The following TMEM268 variants were observed in gnomAD, a reference collection of about 807,000 sequenced individuals.
The protein encoded by TMEM268 is transmembrane protein C9orf91.
In TMEM268, 24 loss-of-function variants were observed where a neutral mutation model predicts 39.1. The ratio of observed to expected loss-of-function variants is 0.61; its 90% CI spans 0.44 to 0.86. TMEM268 has a LOEUF of 0.86. Among genes scored for constraint, TMEM268 ranks in the 40% least tolerant of loss-of-function variants. TMEM268 has a pLI of 0.00. For missense variants in TMEM268, 409 were observed against 428.6 expected (o/e 0.95, Z 0.40); for synonymous variants, 176 against 173.5 (o/e 1.01, Z -0.12).
chr9:114,609,856 G>A (rs1302968582), upstream of TMEM268, among the ~76,000 whole-genome samples: 1 of 151,696 alleles, frequency 6.6e-6, no homozygotes, highest in Non-Finnish European at 1.5e-5. Context: ...AAGAAAGAAA[G>A]AGAAAGAGAA....
At chr9:114,616,209 G>T (rs1845704517) in intron 1 of TMEM268, among the ~76,000 whole-genome samples, 1 of 151,138 alleles carries the variant, frequency 6.6e-6, no homozygotes, top group Non-Finnish European at 1.5e-5. Context: ...TAGAGACGGG[G>T]TTTCCCCATG....
chr9:114,624,289 TC>T (rs1335025248), intron 2 of TMEM268, 60 bp from the exon 3 acceptor site: 1 of 1,547,924 alleles, frequency 6.5e-7, no homozygotes, highest in Non-Finnish European at 8.7e-7. Context: ...GGCTTCGGGC[TC>T]ACCCCACGAG....
At chr9:114,631,800 G>A (rs1429532092) in intron 5 of TMEM268, among the ~76,000 whole-genome samples, 1 of 152,040 alleles carries the variant, frequency 6.6e-6, no homozygotes, top group Non-Finnish European at 1.5e-5. Context: ...TTAAACTCAT[G>A]CAAACAATCA....
At chr9:114,621,231 G>A (rs1845932804) in intron 2 of TMEM268, among the ~76,000 whole-genome samples, 2 of 151,708 alleles carry the variant, frequency 1.3e-5, no homozygotes, top group Non-Finnish European at 1.5e-5. Context: ...TATGATCCCA[G>A]TTACTTGGGA....
At chr9:114,622,435 C>A in intron 2 of TMEM268, 2 of 985,314 alleles carry the variant, frequency 2.0e-6, no homozygotes, top group Non-Finnish European at 2.4e-6. Flanking sequence ...CTCACAGGGC[C>A]TTGTACTGTG....
rs1238025336 is a variant in TMEM268, at chr9:114,628,206, CT to C, written c.431del (p.Leu144ArgfsTer3). The part of the protein sequence containing the change: ...MLLVTLAAVS[L>X]TLTLVLVFER... The stretch of plus-strand genomic sequence containing the variant: ...GCTCGTGACCCTGGCCGCGGTGAGC[CT>C]GACCTTGACTCTTGTGCTGGTCTTT... On this transcript the variant is annotated frameshift_variant, in exon 5 of 9. Coordinates refer to ENST00000288502, the MANE Select transcript of TMEM268 (RefSeq NM_153045.4). LOFTEE classifies it high-confidence loss of function. 21 of 1,614,090 alleles carry C rather than the reference CT, an allele frequency of 1.3e-5. No individual in the cohort carries two copies. Among genetic ancestry groups the C allele is most frequent in the Non-Finnish European group, 1.7e-5 (20 of 1,180,040 alleles).
rs1377501710 is a variant in TMEM268, at chr9:114,643,677, T to C, written c.*364T>C. 5.5e-6 allele frequency: 1 copy of C among 182,648 alleles called. No homozygotes were observed. Among genetic ancestry groups the C allele is most frequent in the Admixed American group, 5.7e-5 (1 of 17,512 alleles). 11.3% of individuals were successfully genotyped at this position (182,648 alleles called of 1,614,324 possible). A position where few individuals can be genotyped will look rare whatever the true frequency, so the allele number is the denominator to read the frequency against. ...GAAGATGACCAGACTGGGCAAATTATGTGTCCAAAACTTGGCCTCAGATGA... is the reference window on the plus strand; with the variant it reads ...GAAGATGACCAGACTGGGCAAATTACGTGTCCAAAACTTGGCCTCAGATGA... On this transcript the variant is annotated 3_prime_UTR_variant, in exon 9 of 9. Coordinates refer to ENST00000288502, the MANE Select transcript of TMEM268 (RefSeq NM_153045.4).
chr9:114,628,695 T>C (rs1282560248), intron 5 of TMEM268, among the ~76,000 whole-genome samples: 2 of 152,206 alleles, frequency 1.3e-5, no homozygotes, highest in Admixed American at 1.3e-4. Flanking sequence ...GACCTGGTGC[T>C]CTATTGACAG....
intron 7 of TMEM268, 81 bp downstream of exon 7, chr9:114,637,151 A>C: frequency 1.1e-6 from 1 of 936,002 alleles, no homozygotes. Context: ...GGGTGGGAAA[A>C]TGTCTGAGAA....
chr9:114,633,907 GA>G (rs1231836975), intron 6 of TMEM268, 29 bp downstream of exon 6: 1 of 1,344,982 alleles, frequency 7.4e-7, no homozygotes, highest in Non-Finnish European at 1.0e-6. Flanking sequence ...ACCTCTTCCT[GA>G]TGGCCCAGTT....
chr9:114,641,610 G>A (rs71505521), intron 8 of TMEM268, among the ~76,000 whole-genome samples: 1 of 152,016 alleles, frequency 6.6e-6, no homozygotes, highest in Non-Finnish European at 1.5e-5. Context: ...AGGAGTTCAA[G>A]ACCAGCCTGA....
chr9:114,619,287 A>G (rs1441654945), intron 2 of TMEM268, among the ~76,000 whole-genome samples: 1 of 111,248 alleles, frequency 9.0e-6, no homozygotes, highest in Non-Finnish European at 1.8e-5. Context: ...GCGTGCGTGC[A>G]CGCGTGCACA....
intron 5 of TMEM268, among the ~76,000 whole-genome samples, chr9:114,632,309 G>A (rs1207665087): frequency 6.6e-6 from 1 of 152,040 alleles, no homozygotes. Context: ...AGAACCCCTG[G>A]CCCTCATCCA....
chr9:114,629,491 C>T (rs1846299459), intron 5 of TMEM268, among the ~76,000 whole-genome samples: 1 of 152,200 alleles, frequency 6.6e-6, no homozygotes, highest in African/African-American at 2.4e-5. Context: ...TTACATTGGG[C>T]CAGCTGGATA....
At chr9:114,606,716 G>A (rs1845370992), upstream of TMEM268, among the ~76,000 whole-genome samples, 2 of 147,228 alleles carry the variant, frequency 1.4e-5, no homozygotes, top group East Asian at 3.9e-4. Flanking sequence ...TTTAAACCCA[G>A]GTCTGTCTGA....
At chr9:114,620,297 T>C (rs745396301) in intron 2 of TMEM268, among the ~76,000 whole-genome samples, 12 of 152,184 alleles carry the variant, frequency 7.9e-5, no homozygotes, top group Non-Finnish European at 1.5e-4. Flanking sequence ...CAGGCTGGAA[T>C]ACAGTGGCGT....
intron 6 of TMEM268, among the ~76,000 whole-genome samples, chr9:114,636,690 T>C (rs144425548): frequency 0.053 from 8,056 of 152,046 alleles, 304 homozygotes; most frequent in East Asian, 0.16. Context: ...TTTGTAGAGA[T>C]GGGTTTCACC....
Position 114,638,562 on chromosome 9 carries a change from T to C in TMEM268, c.685T>C (p.Leu229=), listed in dbSNP as rs773470330. The C allele has an allele frequency of 5.0e-6, 8 of 1,584,254 alleles. No individual in the cohort carries two copies. Among genetic ancestry groups the C allele is most frequent in the Non-Finnish European group, 6.0e-6 (7 of 1,165,986 alleles). ...TTTGCAGTCCTTGCTGAGAAGCAGA[T>C]TGAGCCAGTTGTGTGTTGTCATGGA... ...TSQESLLRSR[L]SQLCVVMETG... The change falls in exon 8 of 9, where the codon TTG becomes CTG. Residue 229 remains leucine, a synonymous_variant. Coordinates refer to ENST00000288502, the MANE Select transcript of TMEM268 (RefSeq NM_153045.4).
chr9:114,636,887 C>A, intron 6 of TMEM268, 103 bp from the exon 7 acceptor site: 1 of 720,448 alleles, frequency 1.4e-6, no homozygotes, highest in Non-Finnish European at 2.5e-6. Context: ...CCAAATGGCA[C>A]CTTCCTGCCA....
Sources: allele counts gnomAD v4.1 joint callset (sites outside exome capture counted in the v4.1 genomes callset), GRCh38; gene constraint gnomAD v4.1.1; transcripts MANE v1.5; gene names NCBI Gene and HGNC (gene_info 2026-07-23, HGNC 2026-07-21).